ASIC2: variants seen among roughly 807,000 people sequenced by gnomAD.
The protein encoded by ASIC2 is acid sensing ion channel subunit 2, also known as acid-sensing ion channel 2.
ASIC2 carries 25 observed loss-of-function variants against 57.3 expected under a neutral mutation model. The observed-to-expected ratio is 0.44, with a 90% confidence interval of 0.32 to 0.61. The LOEUF is 0.61. Ranked by LOEUF, ASIC2 falls within the 20% of genes least tolerant of loss-of-function variation. The pLI is 0.06. For synonymous variants in ASIC2, 319 were observed against 307.5 expected (o/e 1.04, Z -0.39); for missense variants, 641 against 738.1 (o/e 0.87, Z 1.52).
At chr17:33,440,618 A>T (rs780808776) in intron 1 of ASIC2, among the ~76,000 whole-genome samples, 46 of 152,190 alleles carry the variant, frequency 3.0e-4, no homozygotes, top group Non-Finnish European at 5.7e-4. Context: ...CCTCATCAAC[A>T]CGAAGTATAT....
At chr17:33,092,641 C>T (rs1001054754) in intron 2 of ASIC2, among the ~76,000 whole-genome samples, 1 of 152,296 alleles carries the variant, frequency 6.6e-6, no homozygotes, top group South Asian at 2.1e-4. Context: ...AGTGACTTGC[C>T]CAAGGTCAGA....
intron 6 of ASIC2, among the ~76,000 whole-genome samples, chr17:33,021,578 C>T (rs1267617533): frequency 6.6e-6 from 1 of 152,252 alleles, no homozygotes; most frequent in Admixed American, 6.5e-5. Context: ...ATGCAGGAGT[C>T]CTGCCTGGCT....
chr17:33,730,797 G>A lies in ASIC2; in HGVS notation c.555+425181C>T, dbSNP rs1364354361. On this transcript the variant is annotated intron_variant, in intron 1 of 9. Coordinates refer to the ASIC2 transcript ENST00000359872. ...TATCTTGCACAAAGTAGGTGTCTAT[G>A]TGGTTACTGTTGATTGAGGGACACT... 8.5e-5 allele frequency among the ~76,000 whole-genome samples: 13 copies of A among 152,198 alleles called. 1 individual carries two copies. Among genetic ancestry groups the A allele is most frequent in the Admixed American group, 8.5e-4 (13 of 15,282 alleles).
At chr17:33,315,027 T>C (rs1906586955) in intron 1 of ASIC2, among the ~76,000 whole-genome samples, 1 of 152,190 alleles carries the variant, frequency 6.6e-6, no homozygotes, top group South Asian at 2.1e-4. Context: ...GAAACTTCAG[T>C]TGAAATTTCA....
chr17:33,842,474 A>G (rs896110096), intron 1 of ASIC2, among the ~76,000 whole-genome samples: 8 of 152,334 alleles, frequency 5.3e-5, no homozygotes, highest in Middle Eastern at 6.8e-3. Context: ...AGGTTTAAAT[A>G]TAAAACTGCA....
At chr17:33,920,766 A>G (rs1915694119) in intron 1 of ASIC2, among the ~76,000 whole-genome samples, 1 of 152,192 alleles carries the variant, frequency 6.6e-6, no homozygotes, top group Non-Finnish European at 1.5e-5. Context: ...AAGTGGTCTT[A>G]TTAGAGGCGT....
At chr17:33,962,046 AAC>A (rs369861589) in intron 1 of ASIC2, among the ~76,000 whole-genome samples, 82 of 152,178 alleles carry the variant, frequency 5.4e-4, no homozygotes, top group African/African-American at 1.9e-3. Context: ...TCCTTCTTCT[AAC>A]ACTCCGCACA....
Position 33,523,554 on chromosome 17 carries a change from G to A in ASIC2, c.556-411487C>T, listed in dbSNP as rs147213546. Among the ~76,000 whole-genome samples the A allele has an allele frequency of 3.2e-3, 484 of 152,130 alleles. 2 individuals are homozygous for A. The highest frequency in any genetic ancestry group is 0.011 in the African/African-American group (463 of 41,498). ...ATTGCAGGCGTGAACCACTGTGCCC[G>A]GCTAGGATCATAAAACCTCCTGCAG... On this transcript the variant is annotated intron_variant, in intron 1 of 9. Coordinates refer to the ASIC2 transcript ENST00000359872.
chr17:33,706,068 C>T (rs1444047556), intron 1 of ASIC2, among the ~76,000 whole-genome samples: 1 of 151,952 alleles, frequency 6.6e-6, no homozygotes, highest in Non-Finnish European at 1.5e-5. Flanking sequence ...TAAACATATA[C>T]ATATATATGC....
chr17:33,647,710 C>T (rs368268501), intron 1 of ASIC2, among the ~76,000 whole-genome samples: 1 of 152,320 alleles, frequency 6.6e-6, no homozygotes, highest in African/African-American at 2.4e-5. Context: ...TAGAGAATGA[C>T]AGACAGAGGA....
intron 1 of ASIC2, among the ~76,000 whole-genome samples, chr17:33,473,515 C>T (rs374350915): frequency 1.8e-4 from 27 of 152,104 alleles, no homozygotes; most frequent in South Asian, 1.0e-3. Context: ...ATGAGTACCA[C>T]GCGGGGCTTC....
intron 1 of ASIC2, among the ~76,000 whole-genome samples, chr17:33,661,182 C>T (rs1044179182): frequency 6.6e-6 from 1 of 152,194 alleles, no homozygotes; most frequent in African/African-American, 2.4e-5. Flanking sequence ...TGCTGAGCCA[C>T]ATTTAGCACC....
intron 1 of ASIC2, among the ~76,000 whole-genome samples, chr17:33,155,886 A>T (rs947629941): frequency 1.3e-5 from 2 of 152,024 alleles, no homozygotes; most frequent in Non-Finnish European, 2.9e-5. Context: ...GCAGAGTACT[A>T]CTTGAGTGCA....
At chr17:33,051,385 G>T (rs1259109760) in intron 3 of ASIC2, among the ~76,000 whole-genome samples, 1 of 152,144 alleles carries the variant, frequency 6.6e-6, no homozygotes, top group African/African-American at 2.4e-5. Context: ...GGGTTACTGT[G>T]TGAGGAAGAA....
chr17:33,225,514 A>G (rs1907846565), intron 1 of ASIC2, among the ~76,000 whole-genome samples: 1 of 152,236 alleles, frequency 6.6e-6, no homozygotes, highest in African/African-American at 2.4e-5. Context: ...ATACAAAATC[A>G]TTAATAAGAG....
chr17:33,860,427 C>A lies in ASIC2; in HGVS notation c.555+295551G>T, dbSNP rs545603864. Reference sequence around the variant, plus strand: ...ACTACTGTCCTTTCCTCCTGGGGGCCAGAGAGCCTACCCAGAAATGGGAAT... The same window carrying A: ...ACTACTGTCCTTTCCTCCTGGGGGCAAGAGAGCCTACCCAGAAATGGGAAT... On this transcript the variant is annotated intron_variant, in intron 1 of 9. Transcript: ENST00000359872. Among the ~76,000 whole-genome samples, 42 of 152,258 alleles carry A rather than the reference C, an allele frequency of 2.8e-4. 2 individuals carry two copies. In the South Asian group the frequency reaches 8.3e-3, roughly 30 times the overall value.
chr17:33,672,998 T>G lies in ASIC2; in HGVS notation c.555+482980A>C, dbSNP rs1474206117. On this transcript the variant is annotated intron_variant, in intron 1 of 9. Coordinates refer to the ASIC2 transcript ENST00000359872. ...ACATAACGCCCAGCATGTAGCAAGT[T>G]GTTAGCAGGAAGTAATGACAGTGAT... Among the ~76,000 whole-genome samples the G allele has an allele frequency of 2.6e-5, 4 of 152,288 alleles. No individual in the cohort carries two copies. The East Asian group carries it at 7.7e-4, about 29-fold the overall frequency.
chr17:33,823,241 T>A (rs534076688), intron 1 of ASIC2, among the ~76,000 whole-genome samples: 1 of 152,224 alleles, frequency 6.6e-6, no homozygotes, highest in East Asian at 1.9e-4. Context: ...AGGATGAGAT[T>A]TGAACCCAAG....
intron 1 of ASIC2, among the ~76,000 whole-genome samples, chr17:33,432,212 CAA>C (rs1911443949): frequency 3.3e-5 from 5 of 152,194 alleles, no homozygotes; most frequent in African/African-American, 1.2e-4. Flanking sequence ...GTGAAGACAA[CAA>C]GACTGAAGAC....
Sources: gnomAD v4.1 joint callset for allele counts (sites outside exome capture counted in the v4.1 genomes callset) on GRCh38, gnomAD v4.1.1 for gene constraint, MANE v1.5 for transcripts, NCBI Gene and HGNC (gene_info 2026-07-23, HGNC 2026-07-21) for gene names.